Variants in KCNB2 observed in about 807,000 individuals in gnomAD.
KCNB2 encodes delayed rectifier potassium channel protein.
Under a neutral mutation model 61.5 loss-of-function variants are expected in KCNB2, and 15 were observed. The ratio of observed to expected loss-of-function variants is 0.24; its 90% CI spans 0.16 to 0.38. KCNB2 has a LOEUF of 0.38. Ranked by LOEUF, KCNB2 falls within the 10% of genes least tolerant of loss-of-function variation. The pLI, the probability that KCNB2 is intolerant of heterozygous loss-of-function variation, is 1.00. For missense variants in KCNB2, 828 were observed against 1,125.2 expected, an observed-to-expected ratio of 0.74 and a Z score of 3.78; for synonymous variants, 457 against 446.0, an observed-to-expected ratio of 1.02 and a Z score of -0.31.
chr8:72,669,672 C>T (rs1440415435), intron 2 of KCNB2, among the ~76,000 whole-genome samples: 1 of 152,134 alleles, frequency 6.6e-6, no homozygotes, highest in Non-Finnish European at 1.5e-5. Context: ...GACTGTAGTA[C>T]TTTTAAGTAA....
chr8:72,786,278 T>C (rs1224043047), intron 2 of KCNB2, among the ~76,000 whole-genome samples: 2 of 152,138 alleles, frequency 1.3e-5, no homozygotes, highest in African/African-American at 2.4e-5. Flanking sequence ...CCGTAATCCT[T>C]TAGGCATTTT....
At chr8:72,860,300 A>G (rs1270526399) in intron 2 of KCNB2, among the ~76,000 whole-genome samples, 1 of 152,308 alleles carries the variant, frequency 6.6e-6, no homozygotes, top group Admixed American at 6.5e-5. Flanking sequence ...CCTACCAGTA[A>G]GTAGTATATG....
At chr8:72,560,118 G>C (rs1277279169) in intron 1 of KCNB2, among the ~76,000 whole-genome samples, 1 of 152,114 alleles carries the variant, frequency 6.6e-6, no homozygotes, top group Non-Finnish European at 1.5e-5. Flanking sequence ...GGAGAAATAG[G>C]AACAGAATGA....
At chr8:72,598,133 C>T (rs1807229487) in intron 2 of KCNB2, among the ~76,000 whole-genome samples, 2 of 152,118 alleles carry the variant, frequency 1.3e-5, no homozygotes, top group African/African-American at 4.8e-5. Context: ...CAAAGCCTGG[C>T]AGAGACACAA....
chr8:72,861,926 C>T (rs1308185946), intron 2 of KCNB2, among the ~76,000 whole-genome samples: 1 of 152,162 alleles, frequency 6.6e-6, no homozygotes, highest in Non-Finnish European at 1.5e-5. Context: ...AATCTCAACA[C>T]TCTTGGAGGC....
rs1806623805 is a variant in KCNB2 at position 72,674,784 on chromosome 8, A to T, written c.579+106471A>T. On this transcript the variant is annotated intron_variant, in intron 2 of 2. Coordinates refer to ENST00000523207, the MANE Select transcript of KCNB2 (RefSeq NM_004770.3). ...GAAAACTGCAGGGTATAGCAATGAA[A>T]TTGTGCTGGAAGCATAAAGCCTTCA... Among the ~76,000 whole-genome samples, 3 of 152,320 alleles carry T rather than the reference A, an allele frequency of 2.0e-5. No individual in the cohort carries two copies. In the South Asian group the frequency reaches 6.2e-4, roughly 32 times the overall value.
chr8:72,837,631 TAAAG>T (rs570166615), intron 2 of KCNB2, among the ~76,000 whole-genome samples: 67 of 152,244 alleles, frequency 4.4e-4, no homozygotes, highest in African/African-American at 1.2e-3. Context: ...TTTTAGGAAA[TAAAG>T]AAAATAAGTT....
chr8:72,736,828 A>G (rs1267637620), intron 2 of KCNB2, among the ~76,000 whole-genome samples: 2 of 152,162 alleles, frequency 1.3e-5, no homozygotes, highest in Non-Finnish European at 2.9e-5. Flanking sequence ...ACTCTACTGC[A>G]GCGGACCTCA....
At chr8:72,698,869 T>G (rs1317256033) in intron 2 of KCNB2, among the ~76,000 whole-genome samples, 2 of 152,106 alleles carry the variant, frequency 1.3e-5, no homozygotes, top group Non-Finnish European at 2.9e-5. Flanking sequence ...TAACTCAACA[T>G]GAATTAAACA....
intron 2 of KCNB2, among the ~76,000 whole-genome samples, chr8:72,725,525 A>G (rs1294122829): frequency 3.7e-5 from 2 of 54,042 alleles, no homozygotes; most frequent in African/African-American, 1.1e-4. Context: ...ATATATATAT[A>G]TATATATATA....
At chr8:72,910,637 G>C (rs1806271474) in intron 2 of KCNB2, among the ~76,000 whole-genome samples, 1 of 152,206 alleles carries the variant, frequency 6.6e-6, no homozygotes, top group Non-Finnish European at 1.5e-5. Flanking sequence ...GGTAAGGACT[G>C]TAAAGTGACA....
intron 2 of KCNB2, among the ~76,000 whole-genome samples, chr8:72,804,223 A>T (rs1250377796): frequency 6.6e-6 from 1 of 152,128 alleles, no homozygotes; most frequent in East Asian, 1.9e-4. Flanking sequence ...GAAACAAAAT[A>T]AGGAAGCTTC....
chr8:72,851,581 G>A (rs79007033), intron 2 of KCNB2, among the ~76,000 whole-genome samples: 1,881 of 151,966 alleles, frequency 0.012, 23 homozygotes, highest in Non-Finnish European at 0.02. Context: ...ATAGTAGCAC[G>A]AACCCTTCGA....
intron 2 of KCNB2, among the ~76,000 whole-genome samples, chr8:72,840,668 GC>G (rs553748089): frequency 4.9e-4 from 75 of 152,280 alleles, no homozygotes; most frequent in African/African-American, 1.8e-3. Flanking sequence ...GTGATGATGA[GC>G]TTTTTTCCAT....
intron 2 of KCNB2, among the ~76,000 whole-genome samples, chr8:72,624,053 G>C (rs1006216330): frequency 1.3e-5 from 2 of 152,170 alleles, no homozygotes; most frequent in African/African-American, 4.8e-5. Context: ...CGTTACTAGA[G>C]ACGGAATTAG....
intron 2 of KCNB2, among the ~76,000 whole-genome samples, chr8:72,792,823 T>C (rs1221338916): frequency 1.3e-5 from 2 of 152,246 alleles, no homozygotes; most frequent in African/African-American, 4.8e-5. Flanking sequence ...ATCTTTTATA[T>C]AATGTCAGCC....
chr8:72,688,682 A>G (rs1806893364), intron 2 of KCNB2, among the ~76,000 whole-genome samples: 1 of 152,166 alleles, frequency 6.6e-6, no homozygotes, highest in Admixed American at 6.5e-5. Flanking sequence ...GAGTGTAATT[A>G]CCATAATTTT....
intron 2 of KCNB2, among the ~76,000 whole-genome samples, chr8:72,829,962 G>A (rs1013021588): frequency 3.4e-5 from 5 of 147,770 alleles, no homozygotes; most frequent in Non-Finnish European, 7.4e-5. Context: ...AAAAAGAAAT[G>A]GAGGAAAAAA....
chr8:72,605,522 TAGAAAGC>T (rs1805431473), intron 2 of KCNB2, among the ~76,000 whole-genome samples: 4 of 152,218 alleles, frequency 2.6e-5, no homozygotes, highest in Admixed American at 6.5e-5. Context: ...TTAATAAGCT[TAGAAAGC>T]TTATTAAGAC....
Sources: allele counts gnomAD v4.1 joint callset (sites outside exome capture counted in the v4.1 genomes callset), GRCh38; gene constraint gnomAD v4.1.1; transcripts MANE v1.5; gene names NCBI Gene and HGNC (gene_info 2026-07-23, HGNC 2026-07-21).